The following RGS7 variants were observed in gnomAD, a reference collection of about 807,000 sequenced individuals.
RGS7 encodes regulator of G-protein signaling 7.
A neutral mutation model predicts 81.1 loss-of-function variants in RGS7; 27 were observed. The observed-to-expected ratio is 0.33, with a 90% CI of 0.25 to 0.46. The LOEUF (loss-of-function observed/expected upper bound fraction) is 0.46, where lower values mean the gene tolerates loss of function less well. Among genes scored for constraint, RGS7 ranks in the 20% least tolerant of loss-of-function variants. RGS7 has a pLI of 1.00. For synonymous variants in RGS7, 208 were observed against 207.7 expected, an observed-to-expected ratio of 1.00 and a Z score of -0.01; for missense variants, 396 against 607.4, an observed-to-expected ratio of 0.65 and a Z score of 3.66.
chr1:241,309,782 G>A (rs1383301903), intron 2 of RGS7, among the ~76,000 whole-genome samples: 2 of 152,218 alleles, frequency 1.3e-5, no homozygotes, highest in African/African-American at 2.4e-5. Context: ...CTCTGGCATA[G>A]GAGGCAAGGC....
intron 3 of RGS7, among the ~76,000 whole-genome samples, chr1:241,087,944 ATCTC>A (rs574047844): frequency 0.042 from 4,911 of 115,770 alleles, 99 homozygotes; most frequent in East Asian, 0.063. Context: ...GCAAGACTCC[ATCTC>A]TCTCTCTCTC....
chr1:240,998,593 G>GGT, intron 3 of RGS7: 1 of 841,096 alleles, frequency 1.2e-6, no homozygotes. Flanking sequence ...TGCTGGACCA[G>GGT]GTCCACCAGC....
intron 2 of RGS7, among the ~76,000 whole-genome samples, chr1:241,311,971 T>C (rs1038683324): frequency 6.6e-6 from 1 of 152,250 alleles, no homozygotes; most frequent in African/African-American, 2.4e-5. Flanking sequence ...GAACATTTGA[T>C]GGTTTGAAAA....
In RGS7 at chr1:241,193,107, T is replaced by C. The variant is rs73131677; in HGVS notation, c.79-94345A>G. Among the ~76,000 whole-genome samples, 304 of 152,300 alleles carry C rather than the reference T, an allele frequency of 2.0e-3. 2 individuals carry two copies. Among genetic ancestry groups the C allele is most frequent in the African/African-American group, 6.8e-3 (283 of 41,564 alleles). ...AAATGTCATTTAAATATAACACAAA[T>C]GTTTGTATTGGGAACTCTAAATTGT... On this transcript the variant is annotated intron_variant, in intron 2 of 18. Coordinates refer to ENST00000440928, the MANE Select transcript of RGS7 (RefSeq NM_001364886.1).
chr1:241,055,586 G>A (rs2061436506), intron 3 of RGS7, among the ~76,000 whole-genome samples: 1 of 152,180 alleles, frequency 6.6e-6, no homozygotes, highest in African/African-American at 2.4e-5. Context: ...GAGATGCATA[G>A]GGTGAGACAG....
rs147494261 is a variant in RGS7 at position 240,904,320 on chromosome 1, T to A, written c.385+26397A>T. ...AGTGTTACAAAGCTTTGACATTTCT[T>A]AAAGTGCACTCTGCTGCATTTTGTG... On this transcript the variant is annotated intron_variant, in intron 6 of 18. Transcript: ENST00000440928. 4.8e-3 allele frequency among the ~76,000 whole-genome samples: 730 copies of A among 152,338 alleles called. 7 individuals are homozygous for A. Among genetic ancestry groups the A allele is most frequent in the African/African-American group, 0.017 (714 of 41,580 alleles).
intron 6 of RGS7, among the ~76,000 whole-genome samples, chr1:240,916,333 C>T (rs1034620028): frequency 2.0e-5 from 3 of 148,366 alleles, no homozygotes; most frequent in Non-Finnish European, 4.5e-5. Context: ...TGTCTAAAAA[C>T]TGTGGGGGTA....
intron 5 of RGS7, among the ~76,000 whole-genome samples, chr1:240,934,595 T>C (rs895992082): frequency 2.6e-5 from 4 of 152,192 alleles, no homozygotes; most frequent in African/African-American, 9.6e-5. Flanking sequence ...TTTACAAATG[T>C]GTTTGTTATA....
At chr1:241,173,599 A>T (rs2070889640) in intron 2 of RGS7, among the ~76,000 whole-genome samples, 1 of 152,096 alleles carries the variant, frequency 6.6e-6, no homozygotes. Context: ...AGCCTGTGCA[A>T]CACAGTGAGA....
At chr1:240,808,220 A>G (rs1377208400) in intron 14 of RGS7, among the ~76,000 whole-genome samples, 1 of 152,172 alleles carries the variant, frequency 6.6e-6, no homozygotes, top group Admixed American at 6.5e-5. Context: ...ACCAGGAAGT[A>G]CATGAATGGC....
intron 2 of RGS7, among the ~76,000 whole-genome samples, chr1:241,189,779 G>C (rs1423859441): frequency 6.6e-6 from 1 of 152,130 alleles, no homozygotes; most frequent in Non-Finnish European, 1.5e-5. Context: ...GTTGAAAGGT[G>C]ATGTTTCCTT....
chr1:241,187,827 G>A (rs1423430832), intron 2 of RGS7, among the ~76,000 whole-genome samples: 1 of 152,146 alleles, frequency 6.6e-6, no homozygotes, highest in East Asian at 1.9e-4. Flanking sequence ...TAAAGGAACT[G>A]TTTAGCTTAA....
chr1:240,866,029 A>T (rs556612794), intron 9 of RGS7, among the ~76,000 whole-genome samples: 18 of 152,352 alleles, frequency 1.2e-4, no homozygotes, highest in African/African-American at 4.3e-4. Context: ...GACAAGTGTC[A>T]GCATTTCGCA....
At chr1:241,149,210 A>C (rs2103121545) in intron 2 of RGS7, among the ~76,000 whole-genome samples, 1 of 152,318 alleles carries the variant, frequency 6.6e-6, no homozygotes, top group South Asian at 2.1e-4. Flanking sequence ...CTTGTTGCCC[A>C]GGCTGGAGTG....
intron 2 of RGS7, among the ~76,000 whole-genome samples, chr1:241,337,531 A>G (rs1272723402): frequency 6.6e-6 from 1 of 151,720 alleles, no homozygotes; most frequent in Non-Finnish European, 1.5e-5. Context: ...ACACACAGCT[A>G]GGAGGATGGA....
chr1:241,323,131 C>T (rs571119474), intron 2 of RGS7, among the ~76,000 whole-genome samples: 1 of 152,310 alleles, frequency 6.6e-6, no homozygotes, highest in Non-Finnish European at 1.5e-5. Context: ...ACTCCCCAAA[C>T]TGCTTTGATA....
chr1:240,909,773 C>T (rs973058192), intron 6 of RGS7, among the ~76,000 whole-genome samples: 3 of 152,172 alleles, frequency 2.0e-5, no homozygotes, highest in Non-Finnish European at 4.4e-5. Context: ...TTGACTTAAC[C>T]TTTTGCTGTC....
At chr1:241,044,102 TG>T (rs993548389) in intron 3 of RGS7, among the ~76,000 whole-genome samples, 2 of 141,728 alleles carry the variant, frequency 1.4e-5, no homozygotes, top group African/African-American at 2.7e-5. Context: ...TCTTTCTTTT[TG>T]TTTTTTTTGT....
intron 6 of RGS7, among the ~76,000 whole-genome samples, chr1:240,912,223 A>G (rs1254238625): frequency 6.8e-6 from 1 of 147,932 alleles, no homozygotes; most frequent in African/African-American, 2.5e-5. Flanking sequence ...TAAAGGTGTG[A>G]TGTAAGCTGG....
Sources: gnomAD v4.1 joint callset for allele counts (sites outside exome capture counted in the v4.1 genomes callset) on GRCh38, gnomAD v4.1.1 for gene constraint, MANE v1.5 for transcripts, NCBI Gene and HGNC (gene_info 2026-07-23, HGNC 2026-07-21) for gene names.